PLPP4: variants seen among roughly 807,000 people sequenced by gnomAD.
PLPP4 encodes the protein phospholipid phosphatase 4, also known as diacylglycerol pyrophosphate like 2.
A neutral mutation model predicts 32.2 loss-of-function variants in PLPP4; 20 were observed. That is an observed-to-expected ratio of 0.62 (90% CI 0.44 to 0.90). The LOEUF (loss-of-function observed/expected upper bound fraction) is 0.90. Among genes scored for constraint, PLPP4 ranks in the 40% least tolerant of loss-of-function variants. The pLI, the probability that PLPP4 is intolerant of heterozygous loss-of-function variation, is 0.00. For missense variants in PLPP4, 257 were observed against 353.1 expected (o/e 0.73, Z 2.18); for synonymous variants, 127 against 133.0 (o/e 0.95, Z 0.31).
chr10:120,466,629 C>A (rs563723675), intron 1 of PLPP4, among the ~76,000 whole-genome samples: 1 of 152,206 alleles, frequency 6.6e-6, no homozygotes, highest in East Asian at 1.9e-4. Flanking sequence ...TTTGTGTATG[C>A]TATTTTTAGG....
intron 1 of PLPP4, 37 bp from the exon 2 acceptor site, chr10:120,503,781 C>T (rs372470487): frequency 5.9e-5 from 92 of 1,570,126 alleles, no homozygotes; most frequent in East Asian, 4.3e-4. Flanking sequence ...AGCAACAGAA[C>T]GCTCAACCTT....
intron 1 of PLPP4, among the ~76,000 whole-genome samples, chr10:120,484,071 T>C (rs1844333372): frequency 6.6e-6 from 1 of 152,242 alleles, no homozygotes; most frequent in Non-Finnish European, 1.5e-5. Context: ...AATGAGCAAG[T>C]ATCTGTATAA....
At chr10:120,478,611 A>AC (rs1844041822) in intron 1 of PLPP4, among the ~76,000 whole-genome samples, 1 of 152,232 alleles carries the variant, frequency 6.6e-6, no homozygotes, top group Non-Finnish European at 1.5e-5. Context: ...TTTAGTCTTA[A>AC]GCCTGCTCCC....
rs988793665 is a variant in PLPP4, at chr10:120,521,080, A to G, written c.430A>G (p.Ser144Gly). The G allele has an allele frequency of 3.7e-6, 6 of 1,613,996 alleles. No homozygotes were observed. The highest frequency in any genetic ancestry group is 3.3e-5 in the Admixed American group (2 of 59,994). ...GTCCGAGGGCCGCAAAAGCTTCCCC[A>G]GCATCCATTCCTCCTGTAAGTTCAT... Reference protein sequence around the residue: ...LVSEGRKSFPSIHSSFAFSGL... With the variant: ...LVSEGRKSFPGIHSSFAFSGL... The change falls in exon 5 of 7, where the codon AGC (serine) becomes GGC (glycine). Residue 144 changes from serine (S) to glycine (G), a missense_variant. Transcript: ENST00000398250.
chr10:120,486,072 G>A lies in PLPP4; in HGVS notation c.57-17746G>A, dbSNP rs190848774. Among the ~76,000 whole-genome samples, 9 of 152,256 alleles carry A rather than the reference G, an allele frequency of 5.9e-5. No homozygotes were observed. In the East Asian group the frequency reaches 1.5e-3, roughly 26 times the overall value. ...CTCTCATCTTATAAATGGAGAAACC[G>A]AGGTTTAGAAACACAGATGCCAACC... is the stretch of plus-strand genomic sequence containing the variant. On this transcript the variant is annotated intron_variant, in intron 1 of 6. Coordinates refer to ENST00000398250, the MANE Select transcript of PLPP4 (RefSeq NM_001030059.3).
chr10:120,564,829 C>T (rs1249589585), intron 5 of PLPP4, among the ~76,000 whole-genome samples: 3 of 151,636 alleles, frequency 2.0e-5, no homozygotes, highest in Non-Finnish European at 4.4e-5. Flanking sequence ...TGTGTGTGCC[C>T]TATATTTTAT....
At chr10:120,482,244 A>G (rs1243651590) in intron 1 of PLPP4, among the ~76,000 whole-genome samples, 1 of 152,150 alleles carries the variant, frequency 6.6e-6, no homozygotes, top group East Asian at 1.9e-4. Flanking sequence ...AAGACAGGAA[A>G]ATGTGGGAAA....
At chr10:120,460,264 A>C (rs1169008865) in intron 1 of PLPP4, among the ~76,000 whole-genome samples, 2 of 152,192 alleles carry the variant, frequency 1.3e-5, no homozygotes, top group African/African-American at 4.8e-5. Context: ...GCTCTTACTC[A>C]TGGATTGTGG....
chr10:120,564,111 C>T (rs910088062), intron 5 of PLPP4, among the ~76,000 whole-genome samples: 1 of 151,896 alleles, frequency 6.6e-6, no homozygotes, highest in Non-Finnish European at 1.5e-5. Flanking sequence ...AACAATTTAG[C>T]TATAAATTTT....
chr10:120,462,480 C>G (rs565223221), intron 1 of PLPP4, among the ~76,000 whole-genome samples: 2 of 152,322 alleles, frequency 1.3e-5, no homozygotes, highest in African/African-American at 4.8e-5. Context: ...TCACAGCTCC[C>G]CAGGACAAGT....
intron 1 of PLPP4, among the ~76,000 whole-genome samples, chr10:120,497,034 G>A (rs1403996109): frequency 1.3e-5 from 2 of 151,998 alleles, no homozygotes; most frequent in Non-Finnish European, 2.9e-5. Context: ...CTAGGGGGTA[G>A]GACCATATTT....
In PLPP4 at chr10:120,590,735, G is replaced by A. The variant is rs181796411; in HGVS notation, c.*1233G>A. Among the ~76,000 whole-genome samples the A allele has an allele frequency of 2.0e-3, 303 of 151,410 alleles. 3 individuals carry two copies. Among genetic ancestry groups the A allele is most frequent in the South Asian group, 4.0e-3 (19 of 4,772 alleles). ...TCAGATTCCTGGGCCTGGGTGCTACGAGGTGATGCATCTTTGCTATCCAGA... is the reference window on the plus strand; with the variant it reads ...TCAGATTCCTGGGCCTGGGTGCTACAAGGTGATGCATCTTTGCTATCCAGA... On this transcript the variant is annotated 3_prime_UTR_variant, in exon 7 of 7. Transcript: ENST00000398250.
chr10:120,554,041 TAGTC>T (rs1265702252), intron 5 of PLPP4, among the ~76,000 whole-genome samples: 1 of 152,210 alleles, frequency 6.6e-6, no homozygotes, highest in Non-Finnish European at 1.5e-5. Flanking sequence ...TCCTACCGCA[TAGTC>T]AGGCTGCCAA....
Position 120,498,661 on chromosome 10 carries a change from T to C in PLPP4, c.57-5157T>C, listed in dbSNP as rs957618629. ...CACACCAGCTCTTCTATTCTTTTTT[T>C]TTTTTTCTTTTTTTTTTGAGATGGA... is the stretch of plus-strand genomic sequence containing the variant. On this transcript the variant is annotated intron_variant, in intron 1 of 6. Transcript: ENST00000398250. Among the ~76,000 whole-genome samples the C allele has an allele frequency of 2.1e-3, 322 of 151,976 alleles. 3 individuals carry two copies. Among genetic ancestry groups the C allele is most frequent in the Middle Eastern group, 0.01 (3 of 294 alleles).
intron 1 of PLPP4, among the ~76,000 whole-genome samples, chr10:120,466,230 C>T (rs1268290089): frequency 1.3e-5 from 2 of 152,098 alleles, no homozygotes; most frequent in African/African-American, 4.8e-5. Flanking sequence ...TCCCATTCTG[C>T]AGGCAGATGG....
At chr10:120,510,523 T>C (rs1026405679) in intron 2 of PLPP4, among the ~76,000 whole-genome samples, 4 of 152,228 alleles carry the variant, frequency 2.6e-5, no homozygotes, top group African/African-American at 9.6e-5. Context: ...TCTGTACATC[T>C]TCATCTGCTC....
intron 5 of PLPP4, among the ~76,000 whole-genome samples, chr10:120,561,147 G>T (rs1043754468): frequency 6.6e-6 from 1 of 152,148 alleles, no homozygotes; most frequent in African/African-American, 2.4e-5. Context: ...GACTTATTAT[G>T]TATTTGGATG....
chr10:120,582,894 G>T (rs1215109493), intron 6 of PLPP4, among the ~76,000 whole-genome samples: 2 of 151,218 alleles, frequency 1.3e-5, no homozygotes, highest in Non-Finnish European at 2.9e-5. Context: ...GAGTAAGATG[G>T]ACATAGCTGC....
chr10:120,504,411 A>C (rs527741423), intron 2 of PLPP4, among the ~76,000 whole-genome samples: 4 of 152,358 alleles, frequency 2.6e-5, no homozygotes, highest in African/African-American at 7.2e-5. Context: ...ACAAAGGAAA[A>C]GAGGAAGTTG....
Sources: gnomAD v4.1 joint callset for allele counts (sites outside exome capture counted in the v4.1 genomes callset) on GRCh38, gnomAD v4.1.1 for gene constraint, MANE v1.5 for transcripts, NCBI Gene and HGNC (gene_info 2026-07-23, HGNC 2026-07-21) for gene names.